Variants in SLC7A9 observed in about 807,000 individuals in gnomAD.
The protein encoded by SLC7A9 is B(0,+)-type amino acid transporter 1.
SLC7A9 carries 38 observed loss-of-function variants against 54.1 expected under a neutral mutation model. That is an observed-to-expected ratio of 0.70 (90% CI 0.54 to 0.92). The LOEUF is 0.92. Among genes scored for constraint, SLC7A9 ranks in the 40% least tolerant of loss-of-function variants. The pLI is 0.00. For synonymous variants in SLC7A9, 264 were observed against 258.9 expected (o/e 1.02, Z -0.19); for missense variants, 537 against 636.1 (o/e 0.84, Z 1.68).
chr19:32,866,557 T>A (rs941770037), intron 2 of SLC7A9, among the ~76,000 whole-genome samples: 1 of 152,206 alleles, frequency 6.6e-6, no homozygotes, highest in African/African-American at 2.4e-5. Flanking sequence ...CCCAAAGTGC[T>A]AAGGTTACAG....
At chr19:32,855,977 T>C (rs11671799) in intron 9 of SLC7A9, among the ~76,000 whole-genome samples, 19,555 of 152,128 alleles carry the variant, frequency 0.13, 1,275 homozygotes, top group Middle Eastern at 0.17. Context: ...GTTGTAATCA[T>C]CTGCAACATA....
In SLC7A9 at chr19:32,860,754, A is replaced by G. The variant is rs1599682121; in HGVS notation, c.705-104T>C. 8.1e-6 allele frequency: 12 copies of G among 1,475,820 alleles called. No individual in the cohort carries two copies. In the East Asian group the frequency reaches 2.6e-4, roughly 32 times the overall value. The allele number at this position is 1,475,820 out of a possible 1,614,324, so 91.4% of individuals were successfully genotyped here. A position where few individuals can be genotyped will look rare whatever the true frequency, so the allele number is the denominator to read the frequency against. On this transcript the variant is annotated intron_variant, in intron 6 of 12. Coordinates refer to ENST00000023064, the MANE Select transcript of SLC7A9 (RefSeq NM_014270.5). ...CCTCATTTAAGATTCTCTACCAGAG[A>G]AAAAAATTCTCCTGCAGGAATTCCA...
chr19:32,863,288 C>T (rs1321152632), intron 4 of SLC7A9, among the ~76,000 whole-genome samples: 1 of 151,688 alleles, frequency 6.6e-6, no homozygotes, highest in African/African-American at 2.4e-5. Context: ...CTCCCCCGCC[C>T]TGCTAATTTT....
intron 1 of SLC7A9, among the ~76,000 whole-genome samples, chr19:32,869,177 C>G (rs8106475): frequency 0.089 from 13,491 of 151,936 alleles, 817 homozygotes; most frequent in African/African-American, 0.16. Context: ...GAGCCAAGAT[C>G]ATGCCACTGC....
At chr19:32,841,518 G>A (rs1028355949) in intron 11 of SLC7A9, among the ~76,000 whole-genome samples, 1 of 151,970 alleles carries the variant, frequency 6.6e-6, no homozygotes, top group African/African-American at 2.4e-5. Flanking sequence ...TTGAGCCCAG[G>A]AGTTTGTGAC....
In SLC7A9 at chr19:32,853,162, C is replaced by T. The variant is rs80309187; in HGVS notation, c.977+5278G>A. ...CTGACTTTAAGTGATCCACCCACTT[C>T]GGCCTTCCAAAGTGCTGGGATTACA... On this transcript the variant is annotated intron_variant, in intron 9 of 12. Transcript: ENST00000023064. Among the ~76,000 whole-genome samples the T allele has an allele frequency of 6.3e-3, 965 of 152,306 alleles. 11 individuals are homozygous for T. Among genetic ancestry groups the T allele is most frequent in the African/African-American group, 0.022 (901 of 41,572 alleles).
intron 2 of SLC7A9, among the ~76,000 whole-genome samples, chr19:32,866,246 CA>C (rs1437639647): frequency 6.6e-6 from 1 of 152,148 alleles, no homozygotes; most frequent in Admixed American, 6.5e-5. Flanking sequence ...CTTTCAGGGC[CA>C]GGGCGCACTT....
chr19:32,863,288 C>A (rs1321152632), intron 4 of SLC7A9, among the ~76,000 whole-genome samples: 1 of 151,688 alleles, frequency 6.6e-6, no homozygotes, highest in Non-Finnish European at 1.5e-5. Context: ...CTCCCCCGCC[C>A]TGCTAATTTT....
chr19:32,853,059 G>A (rs531729970), intron 9 of SLC7A9, among the ~76,000 whole-genome samples: 23 of 151,848 alleles, frequency 1.5e-4, no homozygotes, highest in African/African-American at 5.6e-4. Flanking sequence ...GATTATAGGC[G>A]CCCACCACGT....
rs1399666629 is a variant in SLC7A9, at chr19:32,859,825, A to G, written c.873+16T>C. 1 of 1,605,342 alleles carries G rather than the reference A, an allele frequency of 6.2e-7. No homozygotes were observed. Among genetic ancestry groups the G allele is most frequent in the Non-Finnish European group, 8.5e-7 (1 of 1,172,204 alleles). ...CAAGCCACAGCCCCCGCCAGCAGCG[A>G]TGCCCGGGCACTCACCACAGCCACC... On this transcript the variant is annotated intron_variant, in intron 8 of 12. Coordinates refer to ENST00000023064, the MANE Select transcript of SLC7A9 (RefSeq NM_014270.5).
At chr19:32,840,061 GT>G (rs1275601577) in intron 11 of SLC7A9, among the ~76,000 whole-genome samples, 2 of 151,966 alleles carry the variant, frequency 1.3e-5, no homozygotes, top group African/African-American at 4.8e-5. Flanking sequence ...CCCACCCCTA[GT>G]TTTTTTCTGT....
At chr19:32,843,989 G>A (rs1423269692) in intron 9 of SLC7A9, 38 bp from the exon 10 acceptor site, 1 of 1,475,648 alleles carries the variant, frequency 6.8e-7, no homozygotes, top group East Asian at 2.3e-5. Flanking sequence ...TGACCAGAGT[G>A]CAGACCATCT....
At chr19:32,845,459 C>T (rs1323132963) in intron 9 of SLC7A9, among the ~76,000 whole-genome samples, 1 of 151,792 alleles carries the variant, frequency 6.6e-6, no homozygotes, top group Non-Finnish European at 1.5e-5. Flanking sequence ...CTCACCATTG[C>T]ACTCCAGACT....
intron 9 of SLC7A9, among the ~76,000 whole-genome samples, chr19:32,856,923 C>T (rs1245458061): frequency 6.6e-6 from 1 of 152,064 alleles, no homozygotes; most frequent in Non-Finnish European, 1.5e-5. Context: ...GAGGCTGAGG[C>T]AGGTGGATCA....
intron 4 of SLC7A9, chr19:32,862,921 C>A: frequency 5.9e-6 from 1 of 169,522 alleles, no homozygotes; most frequent in Non-Finnish European, 1.3e-5. Context: ...CGAAGACCAG[C>A]CCTCCTCTAT....
At chr19:32,867,929 C>CAA (rs57446079) in intron 2 of SLC7A9, among the ~76,000 whole-genome samples, 138 of 65,970 alleles carry the variant, frequency 2.1e-3, no homozygotes, top group Non-Finnish European at 3.1e-3. Flanking sequence ...GACTCTGTCT[C>CAA]AAAAAAAAAA....
At chr19:32,833,459 C>A in intron 11 of SLC7A9, 136 bp from the exon 12 acceptor site, 1 of 925,650 alleles carries the variant, frequency 1.1e-6, no homozygotes, top group Non-Finnish European at 1.7e-6. Context: ...GTAATTTTGC[C>A]AATCTTATTT....
At chr19:32,852,230 C>T (rs1013000924) in intron 9 of SLC7A9, among the ~76,000 whole-genome samples, 1 of 152,010 alleles carries the variant, frequency 6.6e-6, no homozygotes, top group African/African-American at 2.4e-5. Context: ...GTGCCTTACA[C>T]CTGTAATCCC....
chr19:32,864,253 G>T lies in SLC7A9; in HGVS notation c.321C>A (p.Ile107=). Residue 107 remains isoleucine, a synonymous_variant, in exon 4 of 13, where the codon ATC becomes ATA. Transcript: ENST00000023064. The stretch of plus-strand genomic sequence containing the variant: ...TGGCCCAGGAGAAGAGGTAGGCGGG[G>T]ATGGGCCCGTAGGCCTCCATCAGGT... ...YPYLMEAYGP[I]PAYLFSWASL... 1 of 1,614,194 alleles carries T rather than the reference G, an allele frequency of 6.2e-7. No individual in the cohort carries two copies. The highest frequency in any genetic ancestry group is 8.5e-7 in the Non-Finnish European group (1 of 1,180,016).
Sources: gnomAD v4.1 joint callset for allele counts (sites outside exome capture counted in the v4.1 genomes callset) on GRCh38, gnomAD v4.1.1 for gene constraint, MANE v1.5 for transcripts, NCBI Gene and HGNC (gene_info 2026-07-23, HGNC 2026-07-21) for gene names.